The following DNAJB6 variants were observed in gnomAD, a reference collection of about 807,000 sequenced individuals.
DNAJB6 encodes DnaJ heat shock protein family (Hsp40) member B6.
DNAJB6 carries 16 observed loss-of-function variants against 42.7 expected under a neutral mutation model. The ratio of observed to expected loss-of-function variants is 0.37; its 90% confidence interval spans 0.25 to 0.57. The LOEUF (loss-of-function observed/expected upper bound fraction) is 0.57. DNAJB6 is among the 20% of genes least tolerant of loss of function. The probability of loss-of-function intolerance (pLI) is 0.74; values close to 1 mark genes in which losing one functional copy is unlikely to be tolerated. For missense variants in DNAJB6, 347 were observed against 416.8 expected (o/e 0.83, Z 1.46); for synonymous variants, 170 against 163.5 (o/e 1.04, Z -0.30).
At chr7:157,373,726 G>T (rs1403007751) in intron 5 of DNAJB6, among the ~76,000 whole-genome samples, 1 of 152,290 alleles carries the variant, frequency 6.6e-6, no homozygotes, top group East Asian at 1.9e-4. Flanking sequence ...AGATTGGATC[G>T]GTGTGTGCTG....
chr7:157,401,373 A>G (rs1443035757), intron 8 of DNAJB6, among the ~76,000 whole-genome samples: 3 of 151,378 alleles, frequency 2.0e-5, no homozygotes, highest in African/African-American at 7.3e-5. Flanking sequence ...GCGCCACCAC[A>G]CCCCGCTAAT....
intron 8 of DNAJB6, among the ~76,000 whole-genome samples, chr7:157,386,883 C>CAAAA (rs112149325): frequency 1.1e-3 from 141 of 132,940 alleles, no homozygotes; most frequent in African/African-American, 2.8e-3. Flanking sequence ...GCCTTCATCT[C>CAAAA]AAAAAAAAAA....
rs1356658345 is a variant in DNAJB6, at chr7:157,409,808, C to CGATGCCCTCGCTGAGGA, written c.707_723dup (p.Arg242MetfsTer34). On this transcript the variant is annotated frameshift_variant, in exon 9 of 10. Transcript: ENST00000262177. LOFTEE classifies it high-confidence loss of function. ...CTGTGCCTGCAGGTGTGGCCGACGACGATGCCCTCGCTGAGGAGCGCATGC... is the reference window on the plus strand; with the variant it reads ...CTGTGCCTGCAGGTGTGGCCGACGACGATGCCCTCGCTGAGGAGATGCCCTCGCTGAGGAGCGCATGC... 6.5e-7 allele frequency: 1 copy of CGATGCCCTCGCTGAGGA among 1,528,616 alleles called. No individual in the cohort carries two copies. The highest frequency in any genetic ancestry group is 8.8e-7 in the Non-Finnish European group (1 of 1,141,734). 94.7% of individuals were successfully genotyped at this position (1,528,616 alleles called of 1,614,324 possible).
At chr7:157,342,941 C>G (rs2116857341) in intron 1 of DNAJB6, among the ~76,000 whole-genome samples, 1 of 113,100 alleles carries the variant, frequency 8.8e-6, no homozygotes, top group East Asian at 3.3e-4. Flanking sequence ...TGAAAATTCA[C>G]TGCTGTGGGT....
At chr7:157,386,082 G>C (rs923046243) in intron 8 of DNAJB6, 2 of 984,688 alleles carry the variant, frequency 2.0e-6, no homozygotes, top group Non-Finnish European at 2.4e-6. Context: ...GTATTTAGTA[G>C]TGAAAGATAT....
chr7:157,343,279 G>T (rs1488015336), intron 1 of DNAJB6, among the ~76,000 whole-genome samples: 1 of 151,796 alleles, frequency 6.6e-6, no homozygotes, highest in Non-Finnish European at 1.5e-5. Flanking sequence ...CCTGCCTCAG[G>T]CTGCCGAGTA....
At chr7:157,362,221 C>T (rs1799638773) in intron 2 of DNAJB6, among the ~76,000 whole-genome samples, 2 of 152,150 alleles carry the variant, frequency 1.3e-5, no homozygotes, top group Admixed American at 1.3e-4. Context: ...TTCTGAGATC[C>T]TGGCCTGTTG....
chr7:157,365,255 A>T (rs1055578950), intron 3 of DNAJB6, among the ~76,000 whole-genome samples: 1 of 152,250 alleles, frequency 6.6e-6, no homozygotes, highest in Non-Finnish European at 1.5e-5. Context: ...CATCCAGCCT[A>T]TGAGATTTTT....
intron 8 of DNAJB6, among the ~76,000 whole-genome samples, chr7:157,390,892 G>A (rs761274302): frequency 6.6e-6 from 1 of 152,182 alleles, no homozygotes; most frequent in Non-Finnish European, 1.5e-5. Flanking sequence ...CTGGAGTACA[G>A]TGGTGCAGTC....
At chr7:157,409,573 A>G (rs1703056266) in intron 8 of DNAJB6, among the ~76,000 whole-genome samples, 2 of 152,140 alleles carry the variant, frequency 1.3e-5, no homozygotes, top group African/African-American at 4.8e-5. Context: ...CAGGAGAGAG[A>G]GAGGGGTGAT....
chr7:157,351,343 T>C (rs1798960836), intron 1 of DNAJB6, among the ~76,000 whole-genome samples: 1 of 152,066 alleles, frequency 6.6e-6, no homozygotes, highest in Non-Finnish European at 1.5e-5. Context: ...AAAAAACTGT[T>C]GTGGGCCGGG....
intron 5 of DNAJB6, among the ~76,000 whole-genome samples, chr7:157,373,201 C>T (rs1223667963): frequency 6.6e-6 from 1 of 152,210 alleles, no homozygotes; most frequent in Non-Finnish European, 1.5e-5. Flanking sequence ...GGGATTAGGA[C>T]TCTAATTTAA....
intron 2 of DNAJB6, 90 bp downstream of exon 2, chr7:157,358,727 G>A: frequency 9.4e-7 from 1 of 1,062,104 alleles, no homozygotes; most frequent in Non-Finnish European, 1.5e-6. Context: ...TATGAAAATG[G>A]CTTTTAATGT....
At chr7:157,397,523 T>C (rs1801649149) in intron 8 of DNAJB6, among the ~76,000 whole-genome samples, 1 of 152,168 alleles carries the variant, frequency 6.6e-6, no homozygotes, top group Admixed American at 6.5e-5. Context: ...CTGGGAGGAA[T>C]CCAACAGGAG....
intron 9 of DNAJB6, chr7:157,414,934 T>G (rs1796075284): frequency 6.6e-6 from 1 of 152,314 alleles, no homozygotes; most frequent in South Asian, 2.1e-4. Flanking sequence ...TGCATCTGAT[T>G]GGAGCCTGGC....
At chr7:157,363,381 G>T (rs1799701267) in intron 3 of DNAJB6, 111 bp downstream of exon 3, 3 of 644,282 alleles carry the variant, frequency 4.7e-6, no homozygotes, top group South Asian at 4.0e-5. Flanking sequence ...ACTTGTTTTT[G>T]ATGCCTACTG....
intron 1 of DNAJB6, among the ~76,000 whole-genome samples, chr7:157,340,991 T>TGCGC (rs1358438793): frequency 1.6e-4 from 12 of 74,160 alleles, no homozygotes; most frequent in African/African-American, 4.7e-4. Context: ...TGTGTGTGTG[T>TGCGC]GTGTGTGCGC....
intron 5 of DNAJB6, chr7:157,369,329 C>G: frequency 2.2e-6 from 1 of 456,708 alleles, no homozygotes; most frequent in Non-Finnish European, 4.4e-6. Context: ...CTTGCTGTAG[C>G]CTTCAGCAAA....
At chr7:157,400,369 C>T (rs578169788) in intron 8 of DNAJB6, among the ~76,000 whole-genome samples, 51 of 100,804 alleles carry the variant, frequency 5.1e-4, no homozygotes, top group Admixed American at 4.7e-3. Context: ...TGGACACGCT[C>T]GTGTGTGGTG....
Sources: allele counts gnomAD v4.1 joint callset (sites outside exome capture counted in the v4.1 genomes callset), GRCh38; gene constraint gnomAD v4.1.1; transcripts MANE v1.5; gene names NCBI Gene and HGNC (gene_info 2026-07-23, HGNC 2026-07-21).